Variants in RNF111 observed in about 807,000 individuals in gnomAD.
RNF111 encodes ring finger protein 111.
In RNF111, 17 loss-of-function variants were observed where a neutral mutation model predicts 95.1. That is an observed-to-expected ratio of 0.18 (90% CI 0.12 to 0.27). The LOEUF is 0.27. Among genes scored for constraint, RNF111 ranks in the 10% least tolerant of loss-of-function variants. The pLI is 1.00. For synonymous variants in RNF111, 440 were observed against 414.8 expected (o/e 1.06, Z -0.74); for missense variants, 1,189 against 1,210.4 (o/e 0.98, Z 0.26).
In RNF111 at chr15:59,010,969, A is replaced by G. The variant is rs964417143; in HGVS notation, c.-19-19835A>G. Among the ~76,000 whole-genome samples the G allele has an allele frequency of 5.9e-5, 9 of 152,294 alleles. No homozygotes were observed. The East Asian group carries it at 1.7e-3, about 29-fold the overall frequency. On this transcript the variant is annotated intron_variant, in intron 1 of 13. Transcript: ENST00000348370. ...ATGCTCAAAAGTGTCTGAAGAAGTCATCTAATTTCCCCTTTTCTCCCTAAC... is the reference window on the plus strand; with the variant it reads ...ATGCTCAAAAGTGTCTGAAGAAGTCGTCTAATTTCCCCTTTTCTCCCTAAC...
chr15:59,003,530 C>G (rs2039415908), intron 1 of RNF111, among the ~76,000 whole-genome samples: 1 of 152,122 alleles, frequency 6.6e-6, no homozygotes, highest in Non-Finnish European at 1.5e-5. Flanking sequence ...TCTCCAGTAG[C>G]TGGGACTACA....
At chr15:59,052,551 C>A in intron 3 of RNF111, 120 bp downstream of exon 3, 8 of 522,232 alleles carry the variant, frequency 1.5e-5, no homozygotes, top group Non-Finnish European at 2.1e-5. Flanking sequence ...TTTGAGTATG[C>A]ATATATCAGA....
intron 5 of RNF111, 69 bp from the exon 6 acceptor site, chr15:59,066,695 C>G (rs1311239948): frequency 1.7e-5 from 20 of 1,172,844 alleles, no homozygotes; most frequent in Middle Eastern, 2.0e-4. Flanking sequence ...TATTTATACC[C>G]CATACCTATT....
chr15:59,009,141 G>T (rs2039675461), intron 1 of RNF111, among the ~76,000 whole-genome samples: 1 of 151,988 alleles, frequency 6.6e-6, no homozygotes, highest in African/African-American at 2.4e-5. Context: ...TGTATTTTTA[G>T]TAGAGATGGG....
chr15:59,030,744 A>C, intron 1 of RNF111, 60 bp from the exon 2 acceptor site: 1 of 1,207,034 alleles, frequency 8.3e-7, no homozygotes, highest in South Asian at 1.8e-5. Flanking sequence ...AGAACTCTTC[A>C]ATTAAATAGT....
chr15:59,012,678 C>A (rs926256627), intron 1 of RNF111, among the ~76,000 whole-genome samples: 23 of 152,008 alleles, frequency 1.5e-4, no homozygotes, highest in African/African-American at 5.3e-4. Context: ...GTCTTGCTAT[C>A]CCAGTGGAGC....
chr15:59,066,760 C>A lies in RNF111; in HGVS notation c.1367-4C>A. On this transcript the variant is annotated splice_polypyrimidine_tract_variant and splice_region_variant and intron_variant, in intron 5 of 13. Coordinates refer to ENST00000348370, the MANE Select transcript of RNF111 (RefSeq NM_017610.8). ...TTATTCTGTGCATTTTTTTCTGTTTCAAGATGACTCAAGGAGAACTACATC... is the reference window on the plus strand; with the variant it reads ...TTATTCTGTGCATTTTTTTCTGTTTAAAGATGACTCAAGGAGAACTACATC... The A allele has an allele frequency of 6.2e-7, 1 of 1,605,376 alleles. No individual in the cohort carries two copies. Among genetic ancestry groups the A allele is most frequent in the South Asian group, 1.1e-5 (1 of 90,308 alleles).
intron 1 of RNF111, among the ~76,000 whole-genome samples, chr15:59,028,042 G>C (rs1296823646): frequency 6.6e-6 from 1 of 152,040 alleles, no homozygotes; most frequent in Non-Finnish European, 1.5e-5. Context: ...GGCCAGGCTG[G>C]CCTCGAACTC....
At chr15:59,064,309 G>A (rs1321698752) in intron 5 of RNF111, among the ~76,000 whole-genome samples, 1 of 152,112 alleles carries the variant, frequency 6.6e-6, no homozygotes, top group African/African-American at 2.4e-5. Flanking sequence ...GTCGAGGTGG[G>A]TGGATCACGA....
intron 1 of RNF111, among the ~76,000 whole-genome samples, chr15:59,007,528 A>G (rs2039597138): frequency 6.6e-6 from 1 of 152,216 alleles, no homozygotes; most frequent in Admixed American, 6.5e-5. Flanking sequence ...ATGAACATTC[A>G]TATACAAGTC....
At chr15:59,041,399 G>C (rs7175215) in intron 2 of RNF111, among the ~76,000 whole-genome samples, 60,919 of 151,748 alleles carry the variant, frequency 0.4, 12,786 homozygotes, top group African/African-American at 0.53. Context: ...ACCAAAAATA[G>C]AAAAATTAGC....
intron 1 of RNF111, among the ~76,000 whole-genome samples, chr15:59,028,640 A>ATTGGCATTTGTGTTCCCACTTTT: frequency 6.6e-6 from 1 of 152,008 alleles, no homozygotes; most frequent in South Asian, 2.1e-4. Flanking sequence ...TCATCAGTTG[A>ATTGGCATTTGTGTTCCCACTTTT]TTGGCATTTG....
intron 1 of RNF111, among the ~76,000 whole-genome samples, chr15:59,002,094 T>A (rs1446697407): frequency 6.6e-6 from 1 of 152,154 alleles, no homozygotes; most frequent in Non-Finnish European, 1.5e-5. Flanking sequence ...TTGTGAGCTG[T>A]TTATTTCTAG....
At chr15:59,085,625 A>G (rs188188553) in intron 9 of RNF111, 34 bp from the exon 10 acceptor site, 2 of 1,601,522 alleles carry the variant, frequency 1.2e-6, no homozygotes, top group Non-Finnish European at 1.7e-6. Flanking sequence ...AAGAGACCCT[A>G]AGGAGGATTA....
intron 2 of RNF111, among the ~76,000 whole-genome samples, chr15:59,042,544 C>G (rs2041516901): frequency 6.6e-6 from 1 of 152,206 alleles, no homozygotes; most frequent in East Asian, 1.9e-4. Flanking sequence ...CCCATTTCCC[C>G]CCAGTCCTTG....
chr15:59,078,552 TAAAAAAAA>T (rs56959347), intron 7 of RNF111, among the ~76,000 whole-genome samples: 21 of 94,468 alleles, frequency 2.2e-4, no homozygotes, highest in Middle Eastern at 6.0e-3. Context: ...AACCTGTCTC[TAAAAAAAA>T]AAAAAAAAAA....
intron 1 of RNF111, among the ~76,000 whole-genome samples, chr15:59,005,630 A>G (rs2039506904): frequency 6.6e-6 from 1 of 152,088 alleles, no homozygotes; most frequent in South Asian, 2.1e-4. Context: ...AATAAGTTAG[A>G]CTAGTTTGAG....
chr15:59,020,612 A>G lies in RNF111; in HGVS notation c.-19-10192A>G, dbSNP rs181525339. Among the ~76,000 whole-genome samples the G allele has an allele frequency of 5.3e-3, 808 of 152,348 alleles. 12 individuals are homozygous for G. The highest frequency in any genetic ancestry group is 5.0e-3 in the Non-Finnish European group (337 of 68,036). On this transcript the variant is annotated intron_variant, in intron 1 of 13. Coordinates refer to ENST00000348370, the MANE Select transcript of RNF111 (RefSeq NM_017610.8). ...ATGTTATGTTTCTCTTTGATGACTAATATTTAAGGATTTCAGAATACTTTA... is the reference window on the plus strand; with the variant it reads ...ATGTTATGTTTCTCTTTGATGACTAGTATTTAAGGATTTCAGAATACTTTA...
chr15:59,055,901 C>A (rs1862237523), intron 4 of RNF111, 56 bp downstream of exon 4: 15 of 1,419,866 alleles, frequency 1.1e-5, no homozygotes, highest in Non-Finnish European at 1.4e-5. Context: ...AAAAGGAAAT[C>A]TCTTAATATG....
Sources: allele counts gnomAD v4.1 joint callset (sites outside exome capture counted in the v4.1 genomes callset), GRCh38; gene constraint gnomAD v4.1.1; transcripts MANE v1.5; gene names NCBI Gene and HGNC (gene_info 2026-07-23, HGNC 2026-07-21).